The following CNTN5 variants were observed in gnomAD, a reference collection of about 807,000 sequenced individuals.
The protein encoded by CNTN5 is contactin 5, also known as contactin-5.
In CNTN5, 77 loss-of-function variants were observed where a neutral mutation model predicts 129.1. The observed-to-expected ratio is 0.60, with a 90% confidence interval of 0.50 to 0.72. CNTN5 has a LOEUF of 0.72. Ranked by LOEUF, CNTN5 falls within the 30% of genes least tolerant of loss-of-function variation. The pLI is 0.00. For missense variants in CNTN5, 1,478 were observed against 1,328.8 expected (o/e 1.11, Z -1.75); for synonymous variants, 509 against 465.6 (o/e 1.09, Z -1.20).
intron 2 of CNTN5, among the ~76,000 whole-genome samples, chr11:99,514,642 G>A (rs1016322849): frequency 6.6e-6 from 1 of 152,064 alleles, no homozygotes; most frequent in African/African-American, 2.4e-5. Flanking sequence ...ATGATGGTTA[G>A]CATATTGTTT....
intron 3 of CNTN5, among the ~76,000 whole-genome samples, chr11:99,664,748 G>C (rs1952721552): frequency 6.6e-6 from 1 of 152,100 alleles, no homozygotes; most frequent in Non-Finnish European, 1.5e-5. Context: ...AAATAACTCA[G>C]AGATGCCACA....
At position 100,041,475 on chromosome 11, in the gene CNTN5, T is replaced by C. The variant is rs114202155; in HGVS notation, c.981-19737T>C. ...GTGAACAAATGAATATACATGGCGT[T>C]ATTTCAGAAATTTCTCTTGGCTACT... On this transcript the variant is annotated intron_variant, in intron 9 of 24. Transcript: ENST00000524871. Among the ~76,000 whole-genome samples the C allele has an allele frequency of 6.1e-3, 926 of 152,350 alleles. 10 individuals carry two copies. The highest frequency in any genetic ancestry group is 0.021 in the African/African-American group (878 of 41,584).
chr11:99,476,956 GTTTACC>G (rs1288204247), intron 2 of CNTN5, among the ~76,000 whole-genome samples: 2 of 151,678 alleles, frequency 1.3e-5, no homozygotes, highest in African/African-American at 2.4e-5. Context: ...CTATGCTTGT[GTTTACC>G]TTTACTTATT....
chr11:100,138,905 G>T (rs1946608366), intron 13 of CNTN5, among the ~76,000 whole-genome samples: 1 of 152,122 alleles, frequency 6.6e-6, no homozygotes, highest in Non-Finnish European at 1.5e-5. Flanking sequence ...TAGTAGAGAT[G>T]ATGAGAAGTG....
intron 21 of CNTN5, among the ~76,000 whole-genome samples, chr11:100,310,274 G>A (rs983458468): frequency 2.7e-4 from 41 of 151,784 alleles, no homozygotes; most frequent in African/African-American, 9.9e-4. Context: ...ACGGAAGAGT[G>A]ACAACCCAGG....
intron 17 of CNTN5, among the ~76,000 whole-genome samples, chr11:100,267,291 A>AGG (rs1253865630): frequency 5.9e-5 from 9 of 151,882 alleles, no homozygotes. Context: ...AGAGAGAGAG[A>AGG]GAAAGAGAGA....
intron 1 of CNTN5, among the ~76,000 whole-genome samples, chr11:99,230,258 A>G (rs1860921563): frequency 6.6e-6 from 1 of 152,146 alleles, no homozygotes; most frequent in African/African-American, 2.4e-5. Flanking sequence ...AATGATAACA[A>G]GATATAACAA....
intron 7 of CNTN5, among the ~76,000 whole-genome samples, chr11:99,919,173 T>G (rs1321470922): frequency 6.6e-6 from 1 of 152,208 alleles, no homozygotes; most frequent in Non-Finnish European, 1.5e-5. Context: ...CGTGCTCTTT[T>G]TCTTGCGACT....
chr11:99,681,905 A>G (rs1953571810), intron 3 of CNTN5, among the ~76,000 whole-genome samples: 1 of 152,072 alleles, frequency 6.6e-6, no homozygotes, highest in Admixed American at 6.6e-5. Flanking sequence ...AAGAGATTAA[A>G]TTATAACAGT....
At chr11:99,166,184 A>T (rs1371706653) in intron 1 of CNTN5, among the ~76,000 whole-genome samples, 3 of 152,098 alleles carry the variant, frequency 2.0e-5, no homozygotes, top group Admixed American at 6.6e-5. Context: ...CGGGTGGATC[A>T]CAAATCAGGA....
At chr11:99,440,838 T>C (rs1943798583) in intron 2 of CNTN5, among the ~76,000 whole-genome samples, 1 of 152,218 alleles carries the variant, frequency 6.6e-6, no homozygotes, top group Non-Finnish European at 1.5e-5. Context: ...ATCATCACAC[T>C]AAATTGCAAG....
chr11:99,335,426 G>T (rs1037431582), intron 2 of CNTN5, among the ~76,000 whole-genome samples: 1 of 151,950 alleles, frequency 6.6e-6, no homozygotes, highest in Non-Finnish European at 1.5e-5. Flanking sequence ...TTGCCAGACT[G>T]TTTTTGGAAG....
intron 15 of CNTN5, among the ~76,000 whole-genome samples, chr11:100,210,348 A>AC (rs1491404451): frequency 2.3e-5 from 1 of 44,314 alleles, no homozygotes; most frequent in African/African-American, 7.2e-5. Flanking sequence ...AGACTATCTC[A>AC]AAAAAAAAAA....
At chr11:99,467,568 C>T (rs902358849) in intron 2 of CNTN5, among the ~76,000 whole-genome samples, 3 of 152,046 alleles carry the variant, frequency 2.0e-5, no homozygotes, top group Non-Finnish European at 4.4e-5. Flanking sequence ...TCTCTTTGTT[C>T]TTGCCCCAAT....
At chr11:100,260,930 C>T (rs1343625092) in intron 17 of CNTN5, among the ~76,000 whole-genome samples, 7 of 152,020 alleles carry the variant, frequency 4.6e-5, no homozygotes, top group South Asian at 2.1e-4. Flanking sequence ...AAAATAGTAT[C>T]GGAAGTTTTG....
intron 1 of CNTN5, among the ~76,000 whole-genome samples, chr11:99,200,403 T>A (rs988514228): frequency 1.3e-5 from 2 of 152,224 alleles, no homozygotes; most frequent in African/African-American, 4.8e-5. Context: ...AAGACAACCA[T>A]CAGTACCCAA....
chr11:99,360,980 T>C (rs1209116258), intron 2 of CNTN5, among the ~76,000 whole-genome samples: 1 of 152,166 alleles, frequency 6.6e-6, no homozygotes, highest in East Asian at 1.9e-4. Flanking sequence ...TGGCCAAATA[T>C]CCTAATTTAT....
chr11:100,349,863 C>A (rs1330277990), intron 23 of CNTN5, among the ~76,000 whole-genome samples: 2 of 151,740 alleles, frequency 1.3e-5, no homozygotes, highest in African/African-American at 4.8e-5. Context: ...AAATATAAAT[C>A]TTCTGATGAG....
intron 21 of CNTN5, among the ~76,000 whole-genome samples, chr11:100,328,533 C>T (rs551501460): frequency 2.0e-5 from 3 of 152,118 alleles, no homozygotes; most frequent in Non-Finnish European, 4.4e-5. Flanking sequence ...AAAGGAGAAG[C>T]AGGCACATCT....
Sources: allele counts gnomAD v4.1 joint callset (sites outside exome capture counted in the v4.1 genomes callset), GRCh38; gene constraint gnomAD v4.1.1; transcripts MANE v1.5; gene names NCBI Gene and HGNC (gene_info 2026-07-23, HGNC 2026-07-21).